EMSY: variants seen among roughly 807,000 people sequenced by gnomAD.
The protein encoded by EMSY is EMSY transcriptional repressor, BRCA2 interacting.
In EMSY, 26 loss-of-function variants were observed where a neutral mutation model predicts 134.6. The ratio of observed to expected loss-of-function variants is 0.19; its 90% confidence interval spans 0.14 to 0.27. The LOEUF (loss-of-function observed/expected upper bound fraction) is 0.27, where lower values mean the gene tolerates loss of function less well. Among genes scored for constraint, EMSY ranks in the 10% least tolerant of loss-of-function variants. The pLI, the probability that EMSY is intolerant of heterozygous loss-of-function variation, is 1.00. For synonymous variants in EMSY, 579 were observed against 577.8 expected (o/e 1.00, Z -0.03); for missense variants, 1,305 against 1,611.4 (o/e 0.81, Z 3.26).
chr11:76,536,868 CTTTTGTAT>C (rs1466538840), intron 15 of EMSY, among the ~76,000 whole-genome samples: 1 of 151,982 alleles, frequency 6.6e-6, no homozygotes, highest in African/African-American at 2.4e-5. Flanking sequence ...TGTAGGGTGA[CTTTTGTAT>C]TTTTGTTGTT....
chr11:76,492,568 G>A (rs1008883456), intron 8 of EMSY, among the ~76,000 whole-genome samples: 2 of 152,218 alleles, frequency 1.3e-5, no homozygotes, highest in African/African-American at 4.8e-5. Flanking sequence ...ACAAAAGTAT[G>A]TGGAAATCAC....
chr11:76,451,232 G>A (rs972297519), intron 2 of EMSY, among the ~76,000 whole-genome samples: 3 of 152,168 alleles, frequency 2.0e-5, no homozygotes, highest in Non-Finnish European at 2.9e-5. Context: ...TCATTTTGAT[G>A]ATAGTTTTTA....
At chr11:76,447,585 T>C (rs1461937837) in intron 2 of EMSY, among the ~76,000 whole-genome samples, 1 of 152,254 alleles carries the variant, frequency 6.6e-6, no homozygotes, top group Non-Finnish European at 1.5e-5. Context: ...TAATTTATTA[T>C]TTAGTGTTTC....
intron 8 of EMSY, 80 bp downstream of exon 9, chr11:76,472,920 G>C (rs1948631087): frequency 6.8e-7 from 1 of 1,474,384 alleles, no homozygotes; most frequent in Admixed American, 1.8e-5. Context: ...ATGTTTCTCT[G>C]CTTTGGATAT....
At chr11:76,535,931 G>A (rs780519621) in exon 15 of EMSY, 82 of 1,565,092 alleles carry the variant, frequency 5.2e-5, no homozygotes, top group Non-Finnish European at 5.8e-5. Context: ...GCTTCCCGGC[G>A]TCAGGATTGG....
chr11:76,545,138 AATAT>A (rs1167998618), intron 19 of EMSY, among the ~76,000 whole-genome samples: 4 of 152,330 alleles, frequency 2.6e-5, no homozygotes, highest in African/African-American at 9.6e-5. Flanking sequence ...TTTGGTATAA[AATAT>A]TTATTTCCAT....
At chr11:76,481,233 C>T (rs1207846278) in intron 8 of EMSY, among the ~76,000 whole-genome samples, 1 of 152,034 alleles carries the variant, frequency 6.6e-6, no homozygotes, top group South Asian at 2.1e-4. Context: ...TTAGTAGAGA[C>T]GGGGTTTCAT....
chr11:76,548,870 A>T (rs1438842351), intron 20 of EMSY, among the ~76,000 whole-genome samples: 1 of 152,164 alleles, frequency 6.6e-6, no homozygotes, highest in African/African-American at 2.4e-5. Context: ...GGGGTTTTTA[A>T]TGTTAAAAAT....
exon 20 of EMSY, chr11:76,546,167 C>T: frequency 6.2e-7 from 1 of 1,614,192 alleles, no homozygotes; most frequent in East Asian, 2.2e-5. Flanking sequence ...TCGAGTCCAT[C>T]CACTGTTGGC....
intron 11 of EMSY, among the ~76,000 whole-genome samples, chr11:76,522,641 G>A (rs540515320): frequency 8.5e-5 from 13 of 152,168 alleles, no homozygotes; most frequent in East Asian, 7.7e-4. Context: ...GATTATGAGC[G>A]TGAGCCACCA....
chr11:76,472,734 C>T (rs777434841), exon 8 of EMSY: 1 of 1,614,032 alleles, frequency 6.2e-7, no homozygotes, highest in Non-Finnish European at 8.5e-7. Flanking sequence ...TCAGTAATAG[C>T]AGCAGTGGCA....
chr11:76,478,090 C>G (rs1948835207), intron 8 of EMSY, among the ~76,000 whole-genome samples: 1 of 152,106 alleles, frequency 6.6e-6, no homozygotes, highest in Non-Finnish European at 1.5e-5. Flanking sequence ...TTAGGCTGGC[C>G]CTGAATGCAG....
At chr11:76,548,544 G>A (rs1005270431) in intron 20 of EMSY, among the ~76,000 whole-genome samples, 10 of 152,180 alleles carry the variant, frequency 6.6e-5, no homozygotes, top group Non-Finnish European at 1.2e-4. Flanking sequence ...TCTTCACAGT[G>A]TATCCTCCAA....
At chr11:76,546,444 G>T in intron 20 of EMSY, 147 bp downstream of exon 21, 2 of 1,095,902 alleles carry the variant, frequency 1.8e-6, no homozygotes, top group South Asian at 1.8e-5. Context: ...TGACAAATTT[G>T]GTTTAACACC....
At chr11:76,529,633 A>G (rs895594163) in intron 14 of EMSY, among the ~76,000 whole-genome samples, 1 of 152,254 alleles carries the variant, frequency 6.6e-6, no homozygotes, top group East Asian at 1.9e-4. Context: ...AACAAAAAAA[A>G]TGCCAAAGAC....
intron 9 of EMSY, chr11:76,496,852 C>T (rs1949677681): frequency 3.3e-6 from 1 of 302,432 alleles, no homozygotes; most frequent in Non-Finnish European, 6.3e-6. Context: ...AGTTTTGTTT[C>T]TTCCTTTCCA....
intron 7 of EMSY, among the ~76,000 whole-genome samples, chr11:76,467,449 A>C (rs949708493): frequency 9.2e-5 from 14 of 152,188 alleles, no homozygotes; most frequent in Non-Finnish European, 1.8e-4. Context: ...TATTCATTAT[A>C]CTTACAACTA....
In EMSY at chr11:76,518,703, ATT is replaced by A. The variant is rs67729914; in HGVS notation, c.1684+2400_1684+2401del. Among the ~76,000 whole-genome samples the A allele has an allele frequency of 4.2e-3, 549 of 130,146 alleles. 10 individuals carry two copies. The highest frequency in any genetic ancestry group is 0.039 in the East Asian group (171 of 4,364). 85.4% of individuals were successfully genotyped at this position (130,146 alleles called of 152,430 possible). ...TGCGCGCATATATATATATATATATATTTTTTTTTTAATTGGGATCTAATATA... is the reference window on the plus strand; with the variant it reads ...TGCGCGCATATATATATATATATATATTTTTTTTAATTGGGATCTAATATA... On this transcript the variant is annotated intron_variant, in intron 11 of 20. Transcript: ENST00000334736.
intron 8 of EMSY, among the ~76,000 whole-genome samples, chr11:76,485,576 C>T (rs1020245905): frequency 3.3e-5 from 5 of 152,116 alleles, no homozygotes; most frequent in African/African-American, 9.7e-5. Flanking sequence ...TATCACAAAC[C>T]CACAGCCAAT....
Sources: gnomAD v4.1 joint callset for allele counts (sites outside exome capture counted in the v4.1 genomes callset) on GRCh38, gnomAD v4.1.1 for gene constraint, MANE v1.5 for transcripts, NCBI Gene and HGNC (gene_info 2026-07-23, HGNC 2026-07-21) for gene names.